GRM8: variants seen among roughly 807,000 people sequenced by gnomAD.
GRM8 encodes the protein metabotropic glutamate receptor 8.
GRM8 carries 47 observed loss-of-function variants against 87.2 expected under a neutral mutation model. The ratio of observed to expected loss-of-function variants is 0.54; its 90% confidence interval spans 0.43 to 0.69. GRM8 has a LOEUF of 0.69. Ranked by LOEUF, GRM8 falls within the 30% of genes least tolerant of loss-of-function variation. The probability of loss-of-function intolerance (pLI) is 0.00; values close to 1 mark genes in which losing one functional copy is unlikely to be tolerated. For synonymous variants in GRM8, 396 were observed against 404.5 expected, an observed-to-expected ratio of 0.98 and a Z score of 0.25; for missense variants, 1,019 against 1,139.2, an observed-to-expected ratio of 0.89 and a Z score of 1.52.
chr7:126,807,981 A>T (rs1053617340), intron 6 of GRM8, among the ~76,000 whole-genome samples: 3 of 152,130 alleles, frequency 2.0e-5, no homozygotes, highest in Non-Finnish European at 2.9e-5. Context: ...GACCTAGATG[A>T]TCCCTCTTTC....
chr7:126,518,625 T>C (rs1442424657), intron 9 of GRM8, among the ~76,000 whole-genome samples: 1 of 152,070 alleles, frequency 6.6e-6, no homozygotes, highest in African/African-American at 2.4e-5. Flanking sequence ...GTGAATGCAA[T>C]TGATTAAGGT....
chr7:126,609,949 C>G (rs960944838), intron 7 of GRM8, among the ~76,000 whole-genome samples: 9 of 152,216 alleles, frequency 5.9e-5, no homozygotes, highest in Non-Finnish European at 1.2e-4. Flanking sequence ...TTTCCAAACT[C>G]TCTAAAGCAG....
At chr7:126,774,742 T>C (rs1355125482) in intron 6 of GRM8, among the ~76,000 whole-genome samples, 1 of 152,148 alleles carries the variant, frequency 6.6e-6, no homozygotes, top group African/African-American at 2.4e-5. Flanking sequence ...GCAAATTGAC[T>C]TAAGTTGGCA....
intron 7 of GRM8, among the ~76,000 whole-genome samples, chr7:126,626,807 C>T (rs115149835): frequency 0.024 from 3,661 of 152,116 alleles, 138 homozygotes; most frequent in African/African-American, 0.084. Flanking sequence ...ATCGCTTGAC[C>T]CCAGGAGTTT....
intron 2 of GRM8, among the ~76,000 whole-genome samples, chr7:127,137,648 T>G (rs1271128547): frequency 6.6e-6 from 1 of 152,116 alleles, no homozygotes; most frequent in Non-Finnish European, 1.5e-5. Context: ...AAATTTAAAA[T>G]TCTTCCATTG....
intron 7 of GRM8, among the ~76,000 whole-genome samples, chr7:126,661,159 A>G (rs1198646448): frequency 6.6e-6 from 1 of 152,236 alleles, no homozygotes; most frequent in Non-Finnish European, 1.5e-5. Context: ...TTTTACTAAA[A>G]GAGTGTAATC....
chr7:126,977,827 A>G (rs1811161657), intron 3 of GRM8, among the ~76,000 whole-genome samples: 1 of 152,192 alleles, frequency 6.6e-6, no homozygotes, highest in Non-Finnish European at 1.5e-5. Flanking sequence ...TAGAAGGGAG[A>G]GTGGCCATGT....
intron 3 of GRM8, among the ~76,000 whole-genome samples, chr7:126,998,709 T>G (rs936828532): frequency 1.3e-5 from 2 of 151,318 alleles, no homozygotes; most frequent in Non-Finnish European, 3.0e-5. Flanking sequence ...CTTAAAGAAC[T>G]GAAAAAAACT....
At chr7:127,085,194 T>G (rs1283616036) in intron 3 of GRM8, among the ~76,000 whole-genome samples, 1 of 152,240 alleles carries the variant, frequency 6.6e-6, no homozygotes, top group African/African-American at 2.4e-5. Flanking sequence ...TGCCACATTT[T>G]CTTAATCCAG....
chr7:127,118,522 ATG>A (rs940149520), intron 2 of GRM8, among the ~76,000 whole-genome samples: 14 of 152,162 alleles, frequency 9.2e-5, no homozygotes, highest in Admixed American at 9.2e-4. Context: ...ATGTGTGCGT[ATG>A]TGTGTGTGCG....
chr7:126,817,387 CAAT>C (rs1173842292), intron 6 of GRM8, among the ~76,000 whole-genome samples: 1 of 152,004 alleles, frequency 6.6e-6, no homozygotes. Context: ...GAAGGAATTA[CAAT>C]AAAATGATAC....
At chr7:127,202,425 G>A (rs934292353) in intron 2 of GRM8, among the ~76,000 whole-genome samples, 1 of 152,136 alleles carries the variant, frequency 6.6e-6, no homozygotes, top group African/African-American at 2.4e-5. Context: ...TGATCTGCCT[G>A]CCTCGGCCTC....
intron 6 of GRM8, among the ~76,000 whole-genome samples, chr7:126,806,148 CTTCAGATG>C (rs1387817573): frequency 2.0e-5 from 3 of 152,120 alleles, no homozygotes; most frequent in Non-Finnish European, 4.4e-5. Context: ...GAGTTTGTTC[CTTCAGATG>C]TTCAGATGTG....
At chr7:126,985,937 A>C (rs932263412) in intron 3 of GRM8, among the ~76,000 whole-genome samples, 1 of 152,236 alleles carries the variant, frequency 6.6e-6, no homozygotes, top group African/African-American at 2.4e-5. Flanking sequence ...AAAGATTGTT[A>C]AAATATTCTA....
intron 8 of GRM8, among the ~76,000 whole-genome samples, chr7:126,605,109 C>G (rs79363260): frequency 1.3e-5 from 2 of 152,130 alleles, no homozygotes; most frequent in African/African-American, 4.8e-5. Context: ...TTGGCCCATA[C>G]AGCATCCCCA....
intron 8 of GRM8, among the ~76,000 whole-genome samples, chr7:126,581,394 A>T (rs1795593343): frequency 6.6e-6 from 1 of 152,146 alleles, no homozygotes; most frequent in African/African-American, 2.4e-5. Flanking sequence ...AGCTGGTAGC[A>T]GATGCAAAAC....
At chr7:127,174,605 A>ATT (rs1049426830) in intron 2 of GRM8, among the ~76,000 whole-genome samples, 177 of 152,298 alleles carry the variant, frequency 1.2e-3, no homozygotes, top group African/African-American at 4.2e-3. Flanking sequence ...CTTCTCAATT[A>ATT]TTTTTCAGTC....
chr7:126,484,029 A>G (rs1468443830), intron 9 of GRM8, among the ~76,000 whole-genome samples: 1 of 152,062 alleles, frequency 6.6e-6, no homozygotes, highest in African/African-American at 2.4e-5. Context: ...GCTTTGCTTC[A>G]TAATAATTAC....
chr7:126,535,164 C>G (rs2079405234), intron 8 of GRM8, among the ~76,000 whole-genome samples: 1 of 152,210 alleles, frequency 6.6e-6, no homozygotes, highest in Non-Finnish European at 1.5e-5. Flanking sequence ...CCCCCAATAA[C>G]CTCACTTCTG....
Sources: allele counts gnomAD v4.1 joint callset (sites outside exome capture counted in the v4.1 genomes callset), GRCh38; gene constraint gnomAD v4.1.1; transcripts MANE v1.5; gene names NCBI Gene and HGNC (gene_info 2026-07-23, HGNC 2026-07-21).